The following DOCK8 variants were observed in gnomAD, a reference collection of about 807,000 sequenced individuals.
DOCK8 encodes dedicator of cytokinesis protein 8.
Under a neutral mutation model 245.6 loss-of-function variants are expected in DOCK8, and 141 were observed. That is an observed-to-expected ratio of 0.57 (90% CI 0.50 to 0.66). DOCK8 has a LOEUF of 0.66. DOCK8 is among the 30% of genes least tolerant of loss of function. The pLI is 0.00. For missense variants in DOCK8, 2,965 were observed against 2,603.4 expected (o/e 1.14, Z -3.02); for synonymous variants, 1,168 against 970.2 (o/e 1.20, Z -3.79).
chr9:320,085 C>T (rs1452837223), intron 7 of DOCK8, among the ~76,000 whole-genome samples: 1 of 152,246 alleles, frequency 6.6e-6, no homozygotes, highest in Non-Finnish European at 1.5e-5. Context: ...GGGGACTACA[C>T]TTAAAGAACA....
chr9:327,947 T>C, intron 8 of DOCK8, 75 bp from the exon 9 acceptor site: 1 of 1,457,094 alleles, frequency 6.9e-7, no homozygotes, highest in Non-Finnish European at 9.6e-7. Flanking sequence ...TGTGGTGTTT[T>C]TACTCCTTTT....
At chr9:352,138 G>A (rs2052201716) in intron 14 of DOCK8, among the ~76,000 whole-genome samples, 1 of 152,132 alleles carries the variant, frequency 6.6e-6, no homozygotes, top group Admixed American at 6.5e-5. Context: ...CATGGTGCGG[G>A]TAGCTGCTGA....
chr9:400,977 T>TCACCACCACCTCCACCATCAC lies in DOCK8; in HGVS notation c.3234+1725_3234+1726insACCTCCACCATCACCACCACC, dbSNP rs1397127411. Reference sequence around the variant, plus strand: ...ACCACCACCACCACCTCCTCCACCATCACCACCTCCTCCACCACCACCACC... The same window carrying TCACCACCACCTCCACCATCAC: ...ACCACCACCACCACCTCCTCCACCATCACCACCACCTCCACCATCACCACCACCTCCTCCACCACCACCACC... On this transcript the variant is annotated intron_variant, in intron 26 of 47. Transcript: ENST00000432829. Among the ~76,000 whole-genome samples, 3 of 65,816 alleles carry TCACCACCACCTCCACCATCAC rather than the reference T, an allele frequency of 4.6e-5. 1 individual carries two copies. Among genetic ancestry groups the TCACCACCACCTCCACCATCAC allele is most frequent in the East Asian group, 8.8e-4 (2 of 2,268 alleles). The allele number at this position is 65,816 out of a possible 152,430, so 43.2% of individuals were successfully genotyped here.
At chr9:339,340 T>TA (rs1344772604) in intron 13 of DOCK8, among the ~76,000 whole-genome samples, 1 of 152,228 alleles carries the variant, frequency 6.6e-6, no homozygotes, top group East Asian at 1.9e-4. Flanking sequence ...GTTTCTCAGA[T>TA]AATGAGATAA....
At chr9:421,931 T>G (rs1371888099) in intron 32 of DOCK8, 117 bp from the exon 33 acceptor site, 2 of 913,164 alleles carry the variant, frequency 2.2e-6, no homozygotes, top group African/African-American at 3.3e-5. Flanking sequence ...CTGCATGGAC[T>G]CTAATTAGCC....
rs1289538808 is a variant in DOCK8, at chr9:298,822, A to G, written c.405-5759A>G. ...TCCTAATTTTTATTTCTGTGGCCCA[A>G]AAGTCTCCTTGTAAACCTTCGTGTC... On this transcript the variant is annotated intron_variant, in intron 4 of 47. Transcript: ENST00000432829. 5.3e-5 allele frequency among the ~76,000 whole-genome samples: 8 copies of G among 152,216 alleles called. No individual in the cohort carries two copies. In the East Asian group the frequency reaches 9.6e-4, roughly 18 times the overall value.
chr9:446,506 G>A lies in DOCK8; in HGVS notation c.5717G>A (p.Arg1906Gln), dbSNP rs776063326. 10 of 1,614,056 alleles carry A rather than the reference G, an allele frequency of 6.2e-6. No homozygotes were observed. Among genetic ancestry groups the A allele is most frequent in the East Asian group, 4.5e-5 (2 of 44,888 alleles). ...CCGTTCACCCTGGAGGGGCGGCCTC[G>A]GGGAGAGCTGCATGAGCAGTACAGA... Reference protein sequence around the residue: ...TTPFTLEGRPRGELHEQYRRN... With the variant: ...TTPFTLEGRPQGELHEQYRRN... Residue 1906 changes from arginine (R) to glutamine (Q), a missense_variant, in exon 44 of 48, where the codon CGG becomes CAG. Around this residue, in one of 3 missense-constraint regions of DOCK8, gnomAD observed 2,825 missense variants for 2,453.5 expected, o/e 1.15. Coordinates refer to ENST00000432829, the MANE Select transcript of DOCK8 (RefSeq NM_203447.4).
At chr9:371,754 A>G (rs1046976124) in intron 17 of DOCK8, among the ~76,000 whole-genome samples, 188 bp downstream of exon 17, 8 of 152,280 alleles carry the variant, frequency 5.3e-5, no homozygotes, top group African/African-American at 1.7e-4. Context: ...AGGAATGGAA[A>G]GCTAGCGGGT....
At chr9:349,404 T>C (rs542385572) in intron 14 of DOCK8, among the ~76,000 whole-genome samples, 1 of 152,360 alleles carries the variant, frequency 6.6e-6, no homozygotes, top group East Asian at 1.9e-4. Flanking sequence ...AATGGAAATA[T>C]AAATATCATG....
At chr9:221,601 C>G (rs943656914) in intron 1 of DOCK8, among the ~76,000 whole-genome samples, 2 of 150,194 alleles carry the variant, frequency 1.3e-5, no homozygotes, top group Admixed American at 1.3e-4. Flanking sequence ...CACTTGAAGT[C>G]AGAAGTTTGA....
chr9:353,450 G>T (rs1373645296), intron 14 of DOCK8, among the ~76,000 whole-genome samples: 2 of 152,144 alleles, frequency 1.3e-5, no homozygotes, highest in Non-Finnish European at 2.9e-5. Flanking sequence ...CTTTAAATGG[G>T]TAGAGAACTA....
chr9:404,801 G>GT, intron 26 of DOCK8, 117 bp from the exon 27 acceptor site: 1 of 1,136,240 alleles, frequency 8.8e-7, no homozygotes, highest in Non-Finnish European at 1.3e-6. Context: ...TATCCCATTA[G>GT]TTTTTATTAA....
rs1308226448 is a variant in DOCK8, at chr9:439,384, G to C, written c.5219G>C (p.Ser1740Thr). 5 of 1,613,010 alleles carry C rather than the reference G, an allele frequency of 3.1e-6. No individual in the cohort carries two copies. The highest frequency in any genetic ancestry group is 3.3e-5 in the Admixed American group (2 of 59,996). The part of the protein sequence containing the change: ...GLLEQAAELF[S>T]TGGLYETVNE... ...CTGGAGCAGGCCGCGGAGCTCTTCA[G>C]CACGGTCAGTGCCCAGAGGGCATCC... Residue 1740 changes from serine (S) to threonine (T), a missense_variant, in exon 40 of 48, where the codon AGC (serine) becomes ACC (threonine). Ser to Thr is a moderately conservative substitution (Grantham distance 58). Around this residue, in one of 3 missense-constraint regions of DOCK8, gnomAD observed 2,825 missense variants for 2,453.5 expected, o/e 1.15. Coordinates refer to ENST00000432829, the MANE Select transcript of DOCK8 (RefSeq NM_203447.4).
At chr9:457,273 C>T (rs956460209) in intron 46 of DOCK8, among the ~76,000 whole-genome samples, 1 of 152,194 alleles carries the variant, frequency 6.6e-6, no homozygotes, top group Non-Finnish European at 1.5e-5. Flanking sequence ...CATTCTGCCT[C>T]AACTAGATGT....
chr9:267,166 G>A (rs1039691956), intron 1 of DOCK8, among the ~76,000 whole-genome samples: 1 of 152,088 alleles, frequency 6.6e-6, no homozygotes, highest in African/African-American at 2.4e-5. Flanking sequence ...CAAGTAGTAC[G>A]CTCTGTCTGC....
At chr9:463,777 G>A in intron 47 of DOCK8, 90 bp downstream of exon 47, 1 of 1,494,680 alleles carries the variant, frequency 6.7e-7, no homozygotes, top group Non-Finnish European at 9.3e-7. Context: ...CTGCACTTGG[G>A]GAGCTGCAGA....
At chr9:217,445 A>C (rs1185664973) in intron 1 of DOCK8, among the ~76,000 whole-genome samples, 1 of 152,188 alleles carries the variant, frequency 6.6e-6, no homozygotes, top group Non-Finnish European at 1.5e-5. Context: ...CCCAAAACAC[A>C]TTCAATGGAA....
intron 14 of DOCK8, among the ~76,000 whole-genome samples, chr9:344,407 G>C (rs1373775754): frequency 6.6e-6 from 1 of 152,118 alleles, no homozygotes; most frequent in Admixed American, 6.5e-5. Context: ...CTTTAGGGTG[G>C]TTTTGATTAG....
At chr9:273,538 G>A (rs1206047304) in intron 2 of DOCK8, among the ~76,000 whole-genome samples, 1 of 152,120 alleles carries the variant, frequency 6.6e-6, no homozygotes, top group African/African-American at 2.4e-5. Context: ...AAGGTAGAGG[G>A]TTTAGTGCTT....
Sources: gnomAD v4.1 joint callset for allele counts (sites outside exome capture counted in the v4.1 genomes callset) on GRCh38, gnomAD v4.1.1 for gene constraint, gnomAD v4.1.1 regional missense constraint, MANE v1.5 for transcripts, NCBI Gene and HGNC (gene_info 2026-07-23, HGNC 2026-07-21) for gene names.